ERCC6: variants seen among roughly 807,000 people sequenced by gnomAD.
The protein encoded by ERCC6 is DNA excision repair protein ERCC-6.
A neutral mutation model predicts 158.7 loss-of-function variants in ERCC6; 116 were observed. The ratio of observed to expected loss-of-function variants is 0.73; its 90% CI spans 0.63 to 0.85. ERCC6 has a LOEUF of 0.85. ERCC6 is among the 40% of genes least tolerant of loss of function. ERCC6 has a pLI of 0.00. For synonymous variants in ERCC6, 678 were observed against 659.3 expected, an observed-to-expected ratio of 1.03 and a Z score of -0.43; for missense variants, 1,698 against 1,799.4, an observed-to-expected ratio of 0.94 and a Z score of 1.02.
At chr10:49,474,370 T>C (rs903912360) in intron 12 of ERCC6, 128 bp from the exon 13 acceptor site, 2 of 723,152 alleles carry the variant, frequency 2.8e-6, no homozygotes, top group East Asian at 5.3e-5. Flanking sequence ...TAGTTTCTTC[T>C]CTAGTCACAG....
At chr10:49,476,400 A>G in intron 11 of ERCC6, 90 bp from the exon 12 acceptor site, 1 of 843,224 alleles carries the variant, frequency 1.2e-6, no homozygotes, top group East Asian at 2.7e-5. Context: ...TGATCAAAAG[A>G]GCACAATGCA....
At chr10:49,501,621 T>G (rs968860952) in intron 6 of ERCC6, 1 of 152,108 alleles carries the variant, frequency 6.6e-6, no homozygotes, top group Non-Finnish European at 1.5e-5. Context: ...ATGAAGATTA[T>G]ATCCCAAGTT....
intron 8 of ERCC6, among the ~76,000 whole-genome samples, chr10:49,483,768 A>G (rs899758704): frequency 6.6e-6 from 1 of 151,384 alleles, no homozygotes; most frequent in African/African-American, 2.4e-5. Context: ...ATAAATATAT[A>G]CATATATTAA....
intron 8 of ERCC6, among the ~76,000 whole-genome samples, chr10:49,487,180 G>A (rs1306393175): frequency 6.6e-6 from 1 of 152,102 alleles, no homozygotes; most frequent in Non-Finnish European, 1.5e-5. Context: ...AAAATCTGAA[G>A]GAACAAAATA....
intron 8 of ERCC6, among the ~76,000 whole-genome samples, chr10:49,485,560 G>A (rs1488931955): frequency 6.6e-6 from 1 of 152,130 alleles, no homozygotes; most frequent in African/African-American, 2.4e-5. Context: ...TTTCATAAAA[G>A]CTGGATTGAG....
intron 5 of ERCC6, among the ~76,000 whole-genome samples, chr10:49,512,881 T>A (rs1836846825): frequency 6.6e-6 from 1 of 152,206 alleles, no homozygotes; most frequent in Non-Finnish European, 1.5e-5. Flanking sequence ...TGCTAAAAAA[T>A]TTTCAGATTT....
the ERCC6 span, among the ~76,000 whole-genome samples, chr10:49,441,765 T>C: frequency 6.6e-6 from 1 of 152,258 alleles, no homozygotes. Flanking sequence ...GCACAGGGTT[T>C]TCCTGGTGTC....
At chr10:49,482,612 G>C (rs1850998834) in intron 10 of ERCC6, 75 bp downstream of exon 10, 5 of 1,310,316 alleles carry the variant, frequency 3.8e-6, no homozygotes, top group Non-Finnish European at 3.2e-6. Flanking sequence ...GAATGACTTG[G>C]CTACAAATTA....
rs1177539164 is a variant in ERCC6, at chr10:49,473,160, A to C, written c.2710-132T>G. 5 of 1,167,988 alleles carry C rather than the reference A, an allele frequency of 4.3e-6. No homozygotes were observed. In the Admixed American group the frequency reaches 6.6e-5, roughly 15 times the overall value. The allele number at this position is 1,167,988 out of a possible 1,614,324, so 72.4% of individuals were successfully genotyped here. On this transcript the variant is annotated intron_variant, in intron 14 of 20. Transcript: ENST00000355832. ...TATAAGGAATGGTAATGTCCTAGAG[A>C]CCTCTGGTGAATCAAAATCTCATTT... is the stretch of plus-strand genomic sequence containing the variant.
downstream of ERCC6, among the ~76,000 whole-genome samples, chr10:49,450,866 C>T (rs150102052): frequency 8.4e-3 from 1,277 of 151,494 alleles, 14 homozygotes; most frequent in African/African-American, 0.026. Flanking sequence ...GGCTGGAGTG[C>T]GGTGGCACAA....
At position 49,493,210 on chromosome 10, in the gene ERCC6, T is replaced by G. The variant is rs758331556; in HGVS notation, c.1728A>C (p.Thr576=). 1.2e-6 allele frequency: 2 copies of G among 1,614,176 alleles called. No individual in the cohort carries two copies. The highest frequency in any genetic ancestry group is 1.7e-6 in the Non-Finnish European group (2 of 1,180,014). ...LGPTVIVCPT[T]VMHQWVKEFH... Reference sequence around the variant, plus strand: ...ATTCCTTCACCCACTGATGCATCACTGTTGTTGGACAGACAATTACAGTTG... The same window carrying G: ...ATTCCTTCACCCACTGATGCATCACGGTTGTTGGACAGACAATTACAGTTG... The change falls in exon 8 of 21, where the codon ACA becomes ACC. Residue 576 remains threonine (T), a synonymous_variant. Transcript: ENST00000355832.
At chr10:49,464,259 C>T (rs558022176) in intron 18 of ERCC6, among the ~76,000 whole-genome samples, 149 of 152,240 alleles carry the variant, frequency 9.8e-4, no homozygotes, top group African/African-American at 3.5e-3. Context: ...GGCATTTTGC[C>T]CCTGCCCTAG....
At chr10:49,536,447 T>C (rs1288758901) in intron 1 of ERCC6, among the ~76,000 whole-genome samples, 2 of 152,126 alleles carry the variant, frequency 1.3e-5, no homozygotes, top group East Asian at 3.9e-4. Flanking sequence ...CACATCTTTC[T>C]CGGACTCTGG....
chr10:49,485,492 G>A (rs879841018), intron 8 of ERCC6, among the ~76,000 whole-genome samples: 10 of 152,172 alleles, frequency 6.6e-5, no homozygotes, highest in African/African-American at 1.9e-4. Context: ...ACTGTTAAGA[G>A]GGGATCTAAA....
At chr10:49,515,586 A>G in intron 5 of ERCC6, 1 of 1,614,094 alleles carries the variant, frequency 6.2e-7, no homozygotes, top group Non-Finnish European at 8.5e-7. Context: ...CAGAAAATCC[A>G]CTGGTTTCTC....
chr10:49,475,933 G>A (rs924889996), intron 12 of ERCC6, among the ~76,000 whole-genome samples: 2 of 152,130 alleles, frequency 1.3e-5, no homozygotes, highest in African/African-American at 2.4e-5. Context: ...TAAGACCCTC[G>A]GAAGTAACAG....
intron 18 of ERCC6, among the ~76,000 whole-genome samples, chr10:49,464,982 T>C (rs1850648299): frequency 6.6e-6 from 1 of 152,134 alleles, no homozygotes; most frequent in South Asian, 2.1e-4. Flanking sequence ...CACCACCTAG[T>C]GGAGCTATGA....
At chr10:49,460,352 C>CA (rs1267386362) in intron 20 of ERCC6, 21 bp downstream of exon 20, 2 of 1,572,360 alleles carry the variant, frequency 1.3e-6, no homozygotes, top group East Asian at 4.5e-5. Flanking sequence ...CCCTGGAAAG[C>CA]AAAAAGGTTA....
At chr10:49,471,389 A>C (rs1311345060) in intron 16 of ERCC6, among the ~76,000 whole-genome samples, 2 of 152,204 alleles carry the variant, frequency 1.3e-5, no homozygotes, top group African/African-American at 4.8e-5. Flanking sequence ...ACACATTTCA[A>C]GAAACACCTT....
Sources: gnomAD v4.1 joint callset for allele counts (sites outside exome capture counted in the v4.1 genomes callset) on GRCh38, gnomAD v4.1.1 for gene constraint, MANE v1.5 for transcripts, NCBI Gene and HGNC (gene_info 2026-07-23, HGNC 2026-07-21) for gene names.